The following PLXNA4 variants were observed in gnomAD, a reference collection of about 807,000 sequenced individuals.
PLXNA4 encodes plexin-A4.
PLXNA4 carries 44 observed loss-of-function variants against 191.8 expected under a neutral mutation model. The ratio of observed to expected loss-of-function variants is 0.23; its 90% CI spans 0.18 to 0.29. The LOEUF is 0.29. Among genes scored for constraint, PLXNA4 ranks in the 10% least tolerant of loss-of-function variants. PLXNA4 has a pLI of 1.00. For missense variants in PLXNA4, 1,800 were observed against 2,488.8 expected, an observed-to-expected ratio of 0.72 and a Z score of 5.89; for synonymous variants, 1,082 against 1,009.5, an observed-to-expected ratio of 1.07 and a Z score of -1.36.
intron 3 of PLXNA4, among the ~76,000 whole-genome samples, chr7:132,414,813 C>T (rs888985854): frequency 2.0e-5 from 3 of 152,160 alleles, no homozygotes; most frequent in African/African-American, 4.8e-5. Flanking sequence ...AAACATGGCA[C>T]CCACACGAAA....
chr7:132,360,589 C>T (rs1184816735), intron 3 of PLXNA4, among the ~76,000 whole-genome samples: 1 of 152,200 alleles, frequency 6.6e-6, no homozygotes, highest in Non-Finnish European at 1.5e-5. Context: ...CTTGCAGTGA[C>T]ATCTGAGCTG....
At chr7:132,519,500 A>G (rs767706832) in intron 1 of PLXNA4, among the ~76,000 whole-genome samples, 2 of 152,014 alleles carry the variant, frequency 1.3e-5, no homozygotes, top group Non-Finnish European at 2.9e-5. Flanking sequence ...GGGGATAGTC[A>G]CCTCTCCAGT....
intron 2 of PLXNA4, among the ~76,000 whole-genome samples, chr7:132,621,934 C>T (rs1487652464): frequency 2.0e-5 from 3 of 152,142 alleles, no homozygotes; most frequent in Non-Finnish European, 4.4e-5. Flanking sequence ...CTATTTCTTG[C>T]CCTCTTCTCC....
intron 2 of PLXNA4, among the ~76,000 whole-genome samples, chr7:132,598,731 A>G (rs995749049): frequency 5.3e-5 from 8 of 150,852 alleles, no homozygotes; most frequent in Non-Finnish European, 1.5e-5. Context: ...AATTGTCATC[A>G]GCTCATTCAC....
intron 1 of PLXNA4, among the ~76,000 whole-genome samples, chr7:132,561,000 C>T (rs1228419560): frequency 6.6e-6 from 1 of 152,090 alleles, no homozygotes; most frequent in Non-Finnish European, 1.5e-5. Flanking sequence ...CAGTACAAAT[C>T]TGGTCTTGTT....
At chr7:132,397,067 T>C (rs1793796485) in intron 3 of PLXNA4, among the ~76,000 whole-genome samples, 1 of 152,248 alleles carries the variant, frequency 6.6e-6, no homozygotes, top group South Asian at 2.1e-4. Context: ...CCGCATTCTC[T>C]GCAGGGATAC....
intron 3 of PLXNA4, among the ~76,000 whole-genome samples, chr7:132,430,835 A>C (rs1795231431): frequency 6.6e-6 from 1 of 152,234 alleles, no homozygotes; most frequent in African/African-American, 2.4e-5. Flanking sequence ...GGCAGAGTAC[A>C]TAAGGACTGG....
chr7:132,532,124 C>T (rs1286963146), intron 1 of PLXNA4, among the ~76,000 whole-genome samples: 2 of 152,206 alleles, frequency 1.3e-5, no homozygotes, highest in Non-Finnish European at 2.9e-5. Context: ...AAAGCCAACA[C>T]AGGTTGAAGA....
intron 3 of PLXNA4, among the ~76,000 whole-genome samples, chr7:132,444,161 C>G (rs1268189266): frequency 6.6e-6 from 1 of 152,258 alleles, no homozygotes; most frequent in East Asian, 1.9e-4. Flanking sequence ...CACACTTACT[C>G]CTGTCCTTCA....
chr7:132,506,097 C>T (rs559568342), intron 2 of PLXNA4, among the ~76,000 whole-genome samples: 23 of 152,146 alleles, frequency 1.5e-4, no homozygotes, highest in East Asian at 1.2e-3. Flanking sequence ...CAAGAAGAGA[C>T]GACATCTCTT....
chr7:132,557,949 G>A (rs1434576509), intron 1 of PLXNA4, among the ~76,000 whole-genome samples: 1 of 152,050 alleles, frequency 6.6e-6, no homozygotes, highest in Non-Finnish European at 1.5e-5. Context: ...GAGAGAGAGA[G>A]ACAATCAAAC....
chr7:132,617,596 T>C (rs1803181476), intron 2 of PLXNA4, among the ~76,000 whole-genome samples: 1 of 152,162 alleles, frequency 6.6e-6, no homozygotes, highest in African/African-American at 2.4e-5. Context: ...ATTTTCACAG[T>C]AATTAAATTG....
At chr7:132,322,025 A>C (rs1802188052) in intron 3 of PLXNA4, among the ~76,000 whole-genome samples, 2 of 152,186 alleles carry the variant, frequency 1.3e-5, no homozygotes. Flanking sequence ...AGAAAAAAAC[A>C]AACAGTAAAA....
chr7:132,151,390 AAGGAGGAGGAGGAGGAGGAAGGAGG>A (rs1795614029), intron 25 of PLXNA4, among the ~76,000 whole-genome samples: 1 of 46,322 alleles, frequency 2.2e-5, no homozygotes, highest in African/African-American at 7.5e-5. Flanking sequence ...GAGGAGGAGA[AAGGAGGAGGAGGAGGAGGAAGGAGG>A]AGGAGGAGGA....
intron 3 of PLXNA4, among the ~76,000 whole-genome samples, chr7:132,444,784 G>A (rs920389298): frequency 6.6e-6 from 1 of 152,032 alleles, no homozygotes; most frequent in Non-Finnish European, 1.5e-5. Flanking sequence ...GCTGGTCACC[G>A]TCAGTAGACC....
intron 2 of PLXNA4, among the ~76,000 whole-genome samples, chr7:132,604,832 T>C (rs1802892316): frequency 6.6e-6 from 1 of 152,224 alleles, no homozygotes; most frequent in African/African-American, 2.4e-5. Flanking sequence ...CTCTCAGTCC[T>C]GTCCCCTAGA....
chr7:132,266,605 A>C (rs989290015), intron 4 of PLXNA4, among the ~76,000 whole-genome samples: 2 of 152,172 alleles, frequency 1.3e-5, no homozygotes, highest in Admixed American at 6.5e-5. Flanking sequence ...GCTGCACTTT[A>C]GGAATTAGGT....
At chr7:132,470,240 A>C (rs1158980731) in intron 3 of PLXNA4, among the ~76,000 whole-genome samples, 3 of 152,334 alleles carry the variant, frequency 2.0e-5, no homozygotes, top group Non-Finnish European at 4.4e-5. Context: ...CTTGACCAGT[A>C]GAGTTCACTG....
intron 3 of PLXNA4, among the ~76,000 whole-genome samples, chr7:132,440,891 T>G (rs1165240768): frequency 6.6e-6 from 1 of 152,186 alleles, no homozygotes; most frequent in Non-Finnish European, 1.5e-5. Context: ...GCAAAAAAGG[T>G]TGGTGAACAG....
Sources: allele counts gnomAD v4.1 joint callset (sites outside exome capture counted in the v4.1 genomes callset), GRCh38; gene constraint gnomAD v4.1.1; transcripts MANE v1.5; gene names NCBI Gene and HGNC (gene_info 2026-07-23, HGNC 2026-07-21).